Variants in TSPEAR observed in about 807,000 individuals in gnomAD.
The protein encoded by TSPEAR is thrombospondin-type laminin G domain and EAR repeat-containing protein.
TSPEAR carries 69 observed loss-of-function variants against 71.6 expected under a neutral mutation model. The observed-to-expected ratio is 0.96, with a 90% CI of 0.79 to 1.18. The LOEUF is 1.18. Ranked by LOEUF, TSPEAR falls within the 50% of genes most tolerant of loss-of-function variation. TSPEAR has a pLI of 0.00. For synonymous variants in TSPEAR, 402 were observed against 387.2 expected (o/e 1.04, Z -0.45); for missense variants, 971 against 894.9 (o/e 1.09, Z -1.09).
intron 9 of TSPEAR, chr21:44,516,563 G>A (rs1438878146): frequency 6.6e-6 from 1 of 152,260 alleles, no homozygotes; most frequent in Non-Finnish European, 1.5e-5. Context: ...CCCGCGCCCA[G>A]GGTGGGTTCG....
intron 11 of TSPEAR, among the ~76,000 whole-genome samples, chr21:44,501,751 T>A (rs1555911116): frequency 6.6e-6 from 1 of 152,018 alleles, no homozygotes; most frequent in East Asian, 1.9e-4. Flanking sequence ...GGCTACAGAG[T>A]GAGACCCTGT....
chr21:44,627,053 G>T lies in TSPEAR; in HGVS notation c.83-59048C>A, dbSNP rs587708693. 2.6e-5 allele frequency: 39 copies of T among 1,475,512 alleles called. No individual in the cohort carries two copies. The South Asian group carries it at 4.2e-4, about 16-fold the overall frequency. 91.4% of individuals were successfully genotyped at this position (1,475,512 alleles called of 1,614,324 possible). A position where few individuals can be genotyped will look rare whatever the true frequency, so the allele number is the denominator to read the frequency against. ...AAGCTGTGGGCCCTGGAACAACAAG[G>T]CCAGGAGGGGTATAAAAGCCTGAGA... On this transcript the variant is annotated intron_variant, in intron 1 of 11. Transcript: ENST00000323084.
chr21:44,602,922 T>C (rs587644752), intron 1 of TSPEAR, among the ~76,000 whole-genome samples: 47 of 152,096 alleles, frequency 3.1e-4, no homozygotes, highest in African/African-American at 1.1e-3. Flanking sequence ...GTGGCCTGTG[T>C]CCTCCTGGAG....
At position 44,522,125 on chromosome 21, in the gene TSPEAR, G is replaced by A. The variant is rs1219796110; in HGVS notation, c.1337-13C>T. On this transcript the variant is annotated splice_polypyrimidine_tract_variant and intron_variant, in intron 8 of 11. Transcript: ENST00000323084. ...TTGTGGTTGTCGCCTGGAACCAAGGGACTGTGCTGGGGGCAGGGAGGCAGA... is the reference window on the plus strand; with the variant it reads ...TTGTGGTTGTCGCCTGGAACCAAGGAACTGTGCTGGGGGCAGGGAGGCAGA... The A allele has an allele frequency of 6.2e-7, 1 of 1,612,646 alleles. No homozygotes were observed. The highest frequency in any genetic ancestry group is 8.5e-7 in the Non-Finnish European group (1 of 1,178,976).
chr21:44,528,907 TC>T (rs1169084460), intron 5 of TSPEAR, among the ~76,000 whole-genome samples: 1 of 152,136 alleles, frequency 6.6e-6, no homozygotes, highest in Non-Finnish European at 1.5e-5. Context: ...CAGGGCATGG[TC>T]CCCCCTCAGG....
At chr21:44,637,566 G>A (rs587706772) in intron 1 of TSPEAR, 9 of 1,613,714 alleles carry the variant, frequency 5.6e-6, no homozygotes, top group Non-Finnish European at 6.8e-6. Flanking sequence ...TGTGTGTCCA[G>A]CCCCTGCTGC....
chr21:44,553,775 C>T (rs781874501), intron 2 of TSPEAR, among the ~76,000 whole-genome samples: 10 of 152,116 alleles, frequency 6.6e-5, no homozygotes, highest in Non-Finnish European at 1.5e-4. Context: ...GAACAGGCCT[C>T]TCACAGGCAA....
chr21:44,666,978 C>T (rs1555945025), intron 1 of TSPEAR: 3 of 1,394,792 alleles, frequency 2.2e-6, no homozygotes, highest in Non-Finnish European at 2.9e-6. Flanking sequence ...CCCAGGCATC[C>T]CCACAGCACA....
chr21:44,587,427 T>G (rs1390906411), intron 1 of TSPEAR, among the ~76,000 whole-genome samples: 1 of 152,226 alleles, frequency 6.6e-6, no homozygotes, highest in African/African-American at 2.4e-5. Context: ...TGTTCATGGA[T>G]GGGTAGAATC....
In TSPEAR at chr21:44,509,276, A is replaced by G. The variant is rs782498392; in HGVS notation, c.1677T>C (p.Tyr559=). ...GCTCGTAGATGACGGAGTTGATGAC[A>G]TAGGAATCATTCTGGACTTGCATCT... ...DVEMQVQNDS[Y]VINSVIYELN... is the part of the protein sequence containing the mutation. The change falls in exon 10 of 12, where the codon TAT becomes TAC. Residue 559 remains tyrosine (Y), a synonymous_variant. Coordinates refer to ENST00000323084, the MANE Select transcript of TSPEAR (RefSeq NM_144991.3). The G allele has an allele frequency of 6.2e-7, 1 of 1,613,884 alleles. No homozygotes were observed. Among genetic ancestry groups the G allele is most frequent in the Non-Finnish European group, 8.5e-7 (1 of 1,179,868 alleles).
intron 1 of TSPEAR, chr21:44,697,047 TGCCC>T: frequency 9.0e-7 from 1 of 1,111,384 alleles, no homozygotes; most frequent in Non-Finnish European, 1.2e-6. Context: ...CCCTCCCTCC[TGCCC>T]ATCCAGCACC....
chr21:44,568,676 T>C (rs461436), intron 1 of TSPEAR, among the ~76,000 whole-genome samples: 141,913 of 152,254 alleles, frequency 0.93, 66,271 homozygotes, highest in Non-Finnish European at 0.96. Flanking sequence ...GGGCTGCAGA[T>C]CAGATCCCTG....
rs1378319847 is a variant in TSPEAR at position 44,653,536 on chromosome 21, T to A, written c.82+57897A>T. Among the ~76,000 whole-genome samples the A allele has an allele frequency of 2.6e-5, 4 of 152,214 alleles. No homozygotes were observed. The East Asian group carries it at 7.7e-4, about 29-fold the overall frequency. ...TTTAATTCCTTAAAAGCTTTTTTTA[T>A]CAACACCACAAACCTCTTTCCCATC... On this transcript the variant is annotated intron_variant, in intron 1 of 11. Transcript: ENST00000323084.
chr21:44,500,342 GCT>G (rs2052007230), intron 11 of TSPEAR, among the ~76,000 whole-genome samples: 1 of 152,196 alleles, frequency 6.6e-6, no homozygotes, highest in Non-Finnish European at 1.5e-5. Context: ...CAGGAGCCCA[GCT>G]CTCTGCCCGC....
chr21:44,558,416 G>T (rs62220865), intron 2 of TSPEAR: 2 of 1,613,752 alleles, frequency 1.2e-6, no homozygotes, highest in Non-Finnish European at 1.7e-6. Context: ...AGACAGGCAC[G>T]CAGCAGGCCT....
intron 5 of TSPEAR, 97 bp downstream of exon 5, chr21:44,529,699 CGA>C (rs1270982145): frequency 7.2e-7 from 1 of 1,389,992 alleles, no homozygotes; most frequent in Non-Finnish European, 1.0e-6. Context: ...GGCAGGCACA[CGA>C]GAGGGGCTGA....
At chr21:44,682,093 G>A (rs782025284) in intron 1 of TSPEAR, 4 of 1,613,898 alleles carry the variant, frequency 2.5e-6, no homozygotes, top group Admixed American at 3.3e-5. Flanking sequence ...CAGGCTGGCT[G>A]GCAGCCCGAG....
intron 2 of TSPEAR, chr21:44,550,688 C>A (rs2053400585): frequency 6.2e-7 from 1 of 1,613,316 alleles, no homozygotes; most frequent in East Asian, 2.2e-5. Flanking sequence ...GGGGACATGG[C>A]CATCAGCAGC....
chr21:44,518,070 C>CTTCT (rs1392866514), intron 9 of TSPEAR, among the ~76,000 whole-genome samples: 4 of 152,182 alleles, frequency 2.6e-5, no homozygotes, highest in Non-Finnish European at 5.9e-5. Context: ...TAATGAATGT[C>CTTCT]TTCTTTTAAT....
Sources: gnomAD v4.1 joint callset for allele counts (sites outside exome capture counted in the v4.1 genomes callset) on GRCh38, gnomAD v4.1.1 for gene constraint, MANE v1.5 for transcripts, NCBI Gene and HGNC (gene_info 2026-07-23, HGNC 2026-07-21) for gene names.